Variants in TMTC2 observed in about 807,000 individuals in gnomAD.
TMTC2 encodes transmembrane O-mannosyltransferase targeting cadherins 2.
TMTC2 carries 43 observed loss-of-function variants against 82.4 expected under a neutral mutation model. The ratio of observed to expected loss-of-function variants is 0.52; its 90% confidence interval spans 0.41 to 0.67. TMTC2 has a LOEUF of 0.67. Ranked by LOEUF, TMTC2 falls within the 30% of genes least tolerant of loss-of-function variation. The probability of loss-of-function intolerance (pLI) is 0.00; values close to 1 mark genes in which losing one functional copy is unlikely to be tolerated. For synonymous variants in TMTC2, 408 were observed against 381.9 expected, an observed-to-expected ratio of 1.07 and a Z score of -0.80; for missense variants, 919 against 1,012.4, an observed-to-expected ratio of 0.91 and a Z score of 1.25.
chr12:82,870,906 T>C (rs1413396182), intron 2 of TMTC2, among the ~76,000 whole-genome samples: 2 of 152,228 alleles, frequency 1.3e-5, no homozygotes, highest in Non-Finnish European at 2.9e-5. Flanking sequence ...AGCAGCAGCC[T>C]GAAGTTTCTG....
At chr12:82,857,668 C>T in intron 2 of TMTC2, 88 bp downstream of exon 2, 1 of 1,251,214 alleles carries the variant, frequency 8.0e-7, no homozygotes, top group Non-Finnish European at 1.1e-6. Context: ...AAATTTATTC[C>T]TCTGCAAGCG....
intron 9 of TMTC2, among the ~76,000 whole-genome samples, chr12:83,042,794 G>A (rs571685465): frequency 6.6e-6 from 1 of 152,254 alleles, no homozygotes; most frequent in Non-Finnish European, 1.5e-5. Flanking sequence ...ACAGGGCCCT[G>A]GCCTTCTGTT....
At chr12:82,928,268 A>T (rs1327679126) in intron 3 of TMTC2, among the ~76,000 whole-genome samples, 1 of 152,174 alleles carries the variant, frequency 6.6e-6, no homozygotes, top group Non-Finnish European at 1.5e-5. Context: ...GAGAGATTCC[A>T]ATGTAAATAT....
chr12:83,076,529 G>A lies in TMTC2; in HGVS notation c.2331+14698G>A, dbSNP rs548280002. On this transcript the variant is annotated intron_variant, in intron 11 of 11. Coordinates refer to ENST00000321196, the MANE Select transcript of TMTC2 (RefSeq NM_152588.3). ...GATTCCTGACTTCTTTGAAATTACA[G>A]CTGATGTAACCACACTGACCCACAT... 7.9e-5 allele frequency among the ~76,000 whole-genome samples: 12 copies of A among 152,260 alleles called. 1 individual carries two copies. The South Asian group carries it at 2.3e-3, about 29-fold the overall frequency.
intron 11 of TMTC2, among the ~76,000 whole-genome samples, chr12:83,130,794 T>C (rs1052280287): frequency 2.6e-5 from 4 of 152,210 alleles, no homozygotes; most frequent in African/African-American, 9.6e-5. Flanking sequence ...TCACTGTATC[T>C]ATCTAACAGC....
At chr12:83,017,411 T>A (rs2137397058) in intron 8 of TMTC2, among the ~76,000 whole-genome samples, 1 of 152,296 alleles carries the variant, frequency 6.6e-6, no homozygotes, top group Non-Finnish European at 1.5e-5. Flanking sequence ...GAAGAACAAT[T>A]TAGACTTTCA....
intron 1 of TMTC2, among the ~76,000 whole-genome samples, chr12:82,741,944 GTT>G (rs1592892464): frequency 6.6e-6 from 1 of 152,210 alleles, no homozygotes; most frequent in East Asian, 1.9e-4. Context: ...AGGAGTTCTG[GTT>G]TTTCTGTTGA....
chr12:82,838,743 TC>T (rs1353549953), intron 1 of TMTC2, among the ~76,000 whole-genome samples: 2 of 152,068 alleles, frequency 1.3e-5, no homozygotes, highest in East Asian at 3.9e-4. Flanking sequence ...CTTAAATTCT[TC>T]TGCAGGGTGA....
At chr12:83,075,951 A>G (rs1478557530) in intron 11 of TMTC2, among the ~76,000 whole-genome samples, 2 of 152,236 alleles carry the variant, frequency 1.3e-5, no homozygotes, top group Non-Finnish European at 2.9e-5. Flanking sequence ...CAAATCAGAA[A>G]AAAATGTATT....
chr12:82,811,410 G>A (rs1028791367), intron 1 of TMTC2, among the ~76,000 whole-genome samples: 1 of 151,818 alleles, frequency 6.6e-6, no homozygotes, highest in Non-Finnish European at 1.5e-5. Context: ...TTAGGTTTTG[G>A]CCAATTTCTT....
intron 4 of TMTC2, among the ~76,000 whole-genome samples, chr12:82,945,793 T>C (rs1382375753): frequency 2.0e-5 from 3 of 152,336 alleles, no homozygotes; most frequent in Admixed American, 6.5e-5. Context: ...ATAGTAATAT[T>C]GTCTTTCACT....
intron 4 of TMTC2, among the ~76,000 whole-genome samples, chr12:82,932,605 T>C (rs545454596): frequency 6.6e-6 from 1 of 152,316 alleles, no homozygotes; most frequent in South Asian, 2.1e-4. Flanking sequence ...AAAAAGAATC[T>C]TATGAGTTTA....
intron 1 of TMTC2, among the ~76,000 whole-genome samples, chr12:82,704,345 CTT>C (rs913063178): frequency 3.9e-5 from 6 of 152,066 alleles, no homozygotes; most frequent in Admixed American, 3.9e-4. Flanking sequence ...TACCTTAAAA[CTT>C]TTTCTGAGTA....
At chr12:82,961,399 G>A (rs1382330126) in intron 4 of TMTC2, among the ~76,000 whole-genome samples, 1 of 151,856 alleles carries the variant, frequency 6.6e-6, no homozygotes, top group African/African-American at 2.4e-5. Flanking sequence ...CCTTTTCAGT[G>A]TATCAACACA....
intron 10 of TMTC2, 94 bp from the exon 11 acceptor site, chr12:83,061,674 T>G (rs1234040561): frequency 2.6e-6 from 3 of 1,164,104 alleles, no homozygotes; most frequent in Non-Finnish European, 3.5e-6. Flanking sequence ...GTGACCAGAA[T>G]TTTTTTAAAA....
chr12:82,764,692 G>A (rs998281844), intron 1 of TMTC2, among the ~76,000 whole-genome samples: 1 of 152,144 alleles, frequency 6.6e-6, no homozygotes, highest in Non-Finnish European at 1.5e-5. Context: ...ACGCCGGGGA[G>A]ACAGGTCTAC....
intron 8 of TMTC2, among the ~76,000 whole-genome samples, chr12:82,996,000 T>C (rs957746603): frequency 6.6e-6 from 1 of 152,244 alleles, no homozygotes; most frequent in African/African-American, 2.4e-5. Flanking sequence ...GTATCTCATG[T>C]ACATAAATGC....
intron 7 of TMTC2, among the ~76,000 whole-genome samples, chr12:82,985,389 C>A (rs188199669): frequency 9.2e-5 from 14 of 152,244 alleles, no homozygotes; most frequent in African/African-American, 3.1e-4. Flanking sequence ...CAAATAGTTT[C>A]TTTAAAGAAA....
At chr12:83,118,103 A>G (rs1268284692) in intron 11 of TMTC2, among the ~76,000 whole-genome samples, 2 of 152,076 alleles carry the variant, frequency 1.3e-5, no homozygotes, top group Non-Finnish European at 2.9e-5. Context: ...ATGCTGTCAT[A>G]TCATCAGCAA....
Sources: allele counts gnomAD v4.1 joint callset (sites outside exome capture counted in the v4.1 genomes callset), GRCh38; gene constraint gnomAD v4.1.1; transcripts MANE v1.5; gene names NCBI Gene and HGNC (gene_info 2026-07-23, HGNC 2026-07-21).